Variants in TRPM3 observed in about 807,000 individuals in gnomAD.
The protein encoded by TRPM3 is long transient receptor potential channel 3.
TRPM3 carries 77 observed loss-of-function variants against 181.2 expected under a neutral mutation model. The observed-to-expected ratio is 0.42, with a 90% CI of 0.35 to 0.51. The LOEUF (loss-of-function observed/expected upper bound fraction) is 0.51. Ranked by LOEUF, TRPM3 falls within the 20% of genes least tolerant of loss-of-function variation. TRPM3 has a pLI of 0.01. For synonymous variants in TRPM3, 745 were observed against 796.4 expected (o/e 0.94, Z 1.09); for missense variants, 1,759 against 2,196.7 (o/e 0.80, Z 3.98).
chr9:71,432,339 T>TTTTC (rs2093969205), intron 1 of TRPM3, among the ~76,000 whole-genome samples: 1 of 149,810 alleles, frequency 6.7e-6, no homozygotes, highest in Non-Finnish European at 1.5e-5. Flanking sequence ...TTTTTTTTTT[T>TTTTC]TTTTTTTTGG....
chr9:71,164,977 ATTAC>A (rs551863059), intron 1 of TRPM3, among the ~76,000 whole-genome samples: 1 of 152,150 alleles, frequency 6.6e-6, no homozygotes, highest in Non-Finnish European at 1.5e-5. Context: ...CATTTAAATA[ATTAC>A]TTAAAGTTTG....
chr9:71,240,690 CTT>C (rs1397009202), intron 1 of TRPM3, among the ~76,000 whole-genome samples: 1 of 151,802 alleles, frequency 6.6e-6, no homozygotes, highest in African/African-American at 2.4e-5. Context: ...TATTTTAAGA[CTT>C]TTATAAAAAT....
chr9:70,886,755 C>T (rs1217070209), intron 1 of TRPM3, among the ~76,000 whole-genome samples: 1 of 152,014 alleles, frequency 6.6e-6, no homozygotes, highest in African/African-American at 2.4e-5. Flanking sequence ...ACCTCCACCT[C>T]CCAGGTTCAA....
At chr9:71,058,644 A>G (rs193222242) in intron 1 of TRPM3, among the ~76,000 whole-genome samples, 1 of 152,148 alleles carries the variant, frequency 6.6e-6, no homozygotes, top group East Asian at 1.9e-4. Context: ...GGCTGTAAAT[A>G]ACCTGTAATA....
At chr9:70,642,149 G>A (rs1234166827) in intron 9 of TRPM3, among the ~76,000 whole-genome samples, 1 of 152,174 alleles carries the variant, frequency 6.6e-6, no homozygotes, top group Non-Finnish European at 1.5e-5. Flanking sequence ...CATCAAACAT[G>A]TGCTGGGCAA....
intron 1 of TRPM3, among the ~76,000 whole-genome samples, chr9:71,110,026 C>T (rs1320085133): frequency 6.6e-6 from 1 of 152,118 alleles, no homozygotes; most frequent in Non-Finnish European, 1.5e-5. Flanking sequence ...TTTTGAAGAA[C>T]TGAGACTGCA....
chr9:71,038,593 C>G (rs935838647), intron 1 of TRPM3, among the ~76,000 whole-genome samples: 8 of 152,006 alleles, frequency 5.3e-5, no homozygotes. Flanking sequence ...CTTTCATTTT[C>G]CTCTTTTGCT....
intron 1 of TRPM3, among the ~76,000 whole-genome samples, chr9:71,404,681 T>C (rs2093403932): frequency 6.6e-6 from 1 of 152,164 alleles, no homozygotes; most frequent in Non-Finnish European, 1.5e-5. Flanking sequence ...ATAATGTCAC[T>C]GGTCTGCTTA....
intron 1 of TRPM3, among the ~76,000 whole-genome samples, chr9:71,420,643 G>GAA (rs2093716051): frequency 5.6e-5 from 7 of 125,172 alleles, no homozygotes; most frequent in Non-Finnish European, 1.1e-4. Flanking sequence ...GAAAAAGAGA[G>GAA]AGAAAGAGAA....
At chr9:70,764,302 A>G (rs2078692056) in intron 7 of TRPM3, among the ~76,000 whole-genome samples, 1 of 152,168 alleles carries the variant, frequency 6.6e-6, no homozygotes, top group Non-Finnish European at 1.5e-5. Context: ...TCAAGCATCC[A>G]TTGATGTTGT....
At chr9:70,841,659 TATCCCACCATATATATGTATATATAG>T (rs2094661208) in intron 5 of TRPM3, among the ~76,000 whole-genome samples, 1 of 91,548 alleles carries the variant, frequency 1.1e-5, no homozygotes, top group Admixed American at 1.2e-4. Context: ...TATATATATA[TATCCCACCATATATATGTATATATAG>T]ATATATCCCA....
At chr9:70,626,270 A>C (rs7024154) in intron 12 of TRPM3, among the ~76,000 whole-genome samples, 117,059 of 152,146 alleles carry the variant, frequency 0.77, 46,589 homozygotes, top group East Asian at 0.92. Context: ...CTGAGTGCAT[A>C]GTGAATTCCA....
chr9:71,330,218 G>A (rs772802641), intron 1 of TRPM3, among the ~76,000 whole-genome samples: 5 of 151,860 alleles, frequency 3.3e-5, no homozygotes, highest in African/African-American at 7.3e-5. Flanking sequence ...AGAAATTGCA[G>A]TCTGAATCTG....
At chr9:71,017,591 C>A (rs2097794693) in intron 1 of TRPM3, among the ~76,000 whole-genome samples, 1 of 151,554 alleles carries the variant, frequency 6.6e-6, no homozygotes, top group African/African-American at 2.4e-5. Flanking sequence ...GGATTTAAGG[C>A]AAGAAACATT....
intron 1 of TRPM3, among the ~76,000 whole-genome samples, chr9:71,174,596 T>C (rs571088256): frequency 6.6e-6 from 1 of 152,044 alleles, no homozygotes; most frequent in East Asian, 1.9e-4. Flanking sequence ...TGTGAAGGCA[T>C]ATTTTGAGGC....
chr9:71,417,515 A>T (rs1200674584), intron 1 of TRPM3, among the ~76,000 whole-genome samples: 1 of 152,030 alleles, frequency 6.6e-6, no homozygotes, highest in East Asian at 1.9e-4. Context: ...ACGCTAGCAC[A>T]ATGCCTGCCC....
intron 1 of TRPM3, among the ~76,000 whole-genome samples, chr9:71,254,293 C>A (rs1181739815): frequency 1.3e-5 from 2 of 152,124 alleles, no homozygotes; most frequent in South Asian, 2.1e-4. Flanking sequence ...TATATGGAAT[C>A]TAAAAACATT....
Position 71,035,794 on chromosome 9 carries a change from T to C in TRPM3, c.177+85384A>G, listed in dbSNP as rs550843160. Among the ~76,000 whole-genome samples the C allele has an allele frequency of 1.5e-4, 23 of 152,200 alleles. No individual in the cohort carries two copies. The East Asian group carries it at 4.3e-3, about 28-fold the overall frequency. ...ATCAAACTTTTACTGGGACTTGCTG[T>C]AGTAAGGACCTCTCAGAAAAATTTC... On this transcript the variant is annotated intron_variant, in intron 1 of 25. Transcript: ENST00000677713.
intron 1 of TRPM3, among the ~76,000 whole-genome samples, chr9:71,010,760 C>T (rs1003859000): frequency 4.6e-5 from 7 of 152,098 alleles, no homozygotes; most frequent in African/African-American, 1.7e-4. Flanking sequence ...TATGATCCAG[C>T]AATCCCATTA....
Sources: gnomAD v4.1 joint callset for allele counts (sites outside exome capture counted in the v4.1 genomes callset) on GRCh38, gnomAD v4.1.1 for gene constraint, MANE v1.5 for transcripts, NCBI Gene and HGNC (gene_info 2026-07-23, HGNC 2026-07-21) for gene names.